Variants in KHDRBS2 observed in about 807,000 individuals in gnomAD.
KHDRBS2 encodes KH domain-containing, RNA-binding, signal transduction-associated protein 2.
In KHDRBS2, 26 loss-of-function variants were observed where a neutral mutation model predicts 44.3. The ratio of observed to expected loss-of-function variants is 0.59; its 90% confidence interval spans 0.43 to 0.81. KHDRBS2 has a LOEUF of 0.81. Among genes scored for constraint, KHDRBS2 ranks in the 40% least tolerant of loss-of-function variants. The probability of loss-of-function intolerance (pLI) is 0.00; values close to 1 mark genes in which losing one functional copy is unlikely to be tolerated. For synonymous variants in KHDRBS2, 194 were observed against 151.1 expected (o/e 1.28, Z -2.08); for missense variants, 476 against 433.1 (o/e 1.10, Z -0.88).
At chr6:62,029,791 A>G (rs1437447027) in intron 3 of KHDRBS2, among the ~76,000 whole-genome samples, 1 of 152,020 alleles carries the variant, frequency 6.6e-6, no homozygotes, top group Admixed American at 6.6e-5. Flanking sequence ...AAGCACTTAT[A>G]TAAGACATTC....
chr6:61,803,488 T>C (rs1273885319), intron 6 of KHDRBS2, among the ~76,000 whole-genome samples: 1 of 152,152 alleles, frequency 6.6e-6, no homozygotes, highest in Non-Finnish European at 1.5e-5. Context: ...AAATTGTACG[T>C]ACTATATGCC....
chr6:61,851,283 A>G (rs564835953), intron 6 of KHDRBS2, among the ~76,000 whole-genome samples: 6 of 151,382 alleles, frequency 4.0e-5, no homozygotes, highest in African/African-American at 7.3e-5. Flanking sequence ...GTGTGTGTAT[A>G]TGTGTGTGTG....
chr6:62,058,545 G>T (rs1273539029), intron 2 of KHDRBS2, among the ~76,000 whole-genome samples: 1 of 151,980 alleles, frequency 6.6e-6, no homozygotes, highest in East Asian at 2.0e-4. Context: ...ATCTAGGGCA[G>T]ATTGCACTAA....
At chr6:61,603,079 C>T in the KHDRBS2 span, among the ~76,000 whole-genome samples, 6,785 of 152,158 alleles carry the variant, frequency 0.045, 154 homozygotes, top group East Asian at 0.087. Context: ...ACCCTTACCC[C>T]GCTCAATGCC....
the KHDRBS2 span, among the ~76,000 whole-genome samples, chr6:61,592,743 T>C: frequency 1.3e-5 from 2 of 152,116 alleles, no homozygotes; most frequent in African/African-American, 4.8e-5. Flanking sequence ...TAAGTTGGGA[T>C]TGGTGGCTAT....
chr6:61,955,416 A>C, intron 4 of KHDRBS2, among the ~76,000 whole-genome samples: 1 of 146,168 alleles, frequency 6.8e-6, no homozygotes, highest in Non-Finnish European at 1.5e-5. Context: ...ATACGTGTAT[A>C]TATACACATA....
At chr6:62,145,063 C>A (rs892679482) in intron 2 of KHDRBS2, among the ~76,000 whole-genome samples, 4 of 151,964 alleles carry the variant, frequency 2.6e-5, no homozygotes, top group African/African-American at 9.7e-5. Flanking sequence ...ATTCTAGCAC[C>A]CTGATTTTTG....
intron 6 of KHDRBS2, among the ~76,000 whole-genome samples, chr6:61,791,570 T>C (rs1217367691): frequency 6.6e-6 from 1 of 151,678 alleles, no homozygotes; most frequent in South Asian, 2.1e-4. Flanking sequence ...TTTTTTGAAA[T>C]AGGATGTATT....
chr6:62,237,258 G>C (rs1314493428), intron 1 of KHDRBS2, among the ~76,000 whole-genome samples: 5 of 152,108 alleles, frequency 3.3e-5, no homozygotes, highest in Non-Finnish European at 7.3e-5. Flanking sequence ...AATTCATAAT[G>C]GCTGTGTGGT....
intron 3 of KHDRBS2, among the ~76,000 whole-genome samples, chr6:62,033,495 C>A (rs530973593): frequency 1.3e-5 from 2 of 151,782 alleles, no homozygotes; most frequent in Non-Finnish European, 2.9e-5. Flanking sequence ...TACAATGGAG[C>A]TCAAATACAT....
At chr6:61,685,700 A>C (rs1321376945) in intron 8 of KHDRBS2, among the ~76,000 whole-genome samples, 1 of 151,764 alleles carries the variant, frequency 6.6e-6, no homozygotes, top group East Asian at 1.9e-4. Context: ...CTGTGCATTA[A>C]ATATTACTGT....
intron 2 of KHDRBS2, among the ~76,000 whole-genome samples, chr6:62,060,653 T>A (rs961298771): frequency 1.2e-4 from 18 of 150,754 alleles, no homozygotes; most frequent in Admixed American, 9.3e-4. Flanking sequence ...ATATATGAAC[T>A]AAAACAAATT....
chr6:62,082,515 C>T (rs1027932709), intron 2 of KHDRBS2, among the ~76,000 whole-genome samples: 1 of 152,112 alleles, frequency 6.6e-6, no homozygotes, highest in Non-Finnish European at 1.5e-5. Context: ...TAGACTTCTC[C>T]TTTCATGGAA....
chr6:61,924,098 C>T (rs1808535777), intron 4 of KHDRBS2, among the ~76,000 whole-genome samples: 2 of 152,138 alleles, frequency 1.3e-5, no homozygotes, highest in Admixed American at 6.6e-5. Context: ...ACATTAAAGA[C>T]TTCTACACTG....
chr6:61,950,880 T>A (rs1764596847), intron 4 of KHDRBS2, among the ~76,000 whole-genome samples: 1 of 152,056 alleles, frequency 6.6e-6, no homozygotes, highest in South Asian at 2.1e-4. Flanking sequence ...AATGAGAATC[T>A]CACTACTAGT....
the KHDRBS2 span, among the ~76,000 whole-genome samples, chr6:61,629,565 AC>A: frequency 1.1e-4 from 16 of 152,166 alleles, no homozygotes. Context: ...AGAAAACACA[AC>A]TTTTTAAAGA....
intron 4 of KHDRBS2, among the ~76,000 whole-genome samples, chr6:61,976,369 A>G (rs181669586): frequency 6.6e-6 from 1 of 152,282 alleles, no homozygotes; most frequent in Non-Finnish European, 1.5e-5. Context: ...AATACTTACA[A>G]GAATCATTCT....
chr6:62,174,575 T>A (rs1820718681), intron 2 of KHDRBS2, among the ~76,000 whole-genome samples: 1 of 151,820 alleles, frequency 6.6e-6, no homozygotes, highest in Admixed American at 6.6e-5. Flanking sequence ...TTCAACTAAG[T>A]CAGCAGATTA....
At chr6:61,769,726 G>A (rs898361642) in intron 6 of KHDRBS2, among the ~76,000 whole-genome samples, 1 of 152,238 alleles carries the variant, frequency 6.6e-6, no homozygotes, top group Non-Finnish European at 1.5e-5. Context: ...GTTCAAGGAG[G>A]CCTGCCTGCC....
Sources: allele counts gnomAD v4.1 joint callset (sites outside exome capture counted in the v4.1 genomes callset), GRCh38; gene constraint gnomAD v4.1.1; transcripts MANE v1.5; gene names NCBI Gene and HGNC (gene_info 2026-07-23, HGNC 2026-07-21).